The following RIMS2 variants were observed in gnomAD, a reference collection of about 807,000 sequenced individuals.
RIMS2 encodes regulating synaptic membrane exocytosis 2.
In RIMS2, 59 loss-of-function variants were observed where a neutral mutation model predicts 174.4. The ratio of observed to expected loss-of-function variants is 0.34; its 90% CI spans 0.27 to 0.42. The LOEUF is 0.42. RIMS2 is among the 10% of genes least tolerant of loss of function. RIMS2 has a pLI of 1.00. For missense variants in RIMS2, 1,620 were observed against 1,666.3 expected, an observed-to-expected ratio of 0.97 and a Z score of 0.48; for synonymous variants, 606 against 572.5, an observed-to-expected ratio of 1.06 and a Z score of -0.84.
chr8:103,835,430 C>T (rs1185497782), intron 3 of RIMS2, among the ~76,000 whole-genome samples: 1 of 150,850 alleles, frequency 6.6e-6, no homozygotes, highest in Non-Finnish European at 1.5e-5. Flanking sequence ...TATATTTAGC[C>T]TTCAGGCATT....
chr8:103,927,362 T>C (rs2078971079), intron 10 of RIMS2, among the ~76,000 whole-genome samples: 1 of 151,502 alleles, frequency 6.6e-6, no homozygotes, highest in Non-Finnish European at 1.5e-5. Context: ...TTTTGGACTT[T>C]GGGTAGACAT....
intron 1 of RIMS2, among the ~76,000 whole-genome samples, chr8:103,659,538 A>G (rs2096571482): frequency 6.6e-6 from 1 of 152,164 alleles, no homozygotes; most frequent in African/African-American, 2.4e-5. Flanking sequence ...CCCGGAGGAC[A>G]GCAGTTCTTT....
intron 1 of RIMS2, among the ~76,000 whole-genome samples, chr8:103,549,460 C>T (rs1282717584): frequency 6.6e-6 from 1 of 152,154 alleles, no homozygotes; most frequent in Non-Finnish European, 1.5e-5. Context: ...TACAAGAGCT[C>T]CTGAAGGAAG....
intron 6 of RIMS2, among the ~76,000 whole-genome samples, chr8:103,912,442 T>C (rs1316213232): frequency 2.0e-5 from 3 of 152,120 alleles, no homozygotes; most frequent in Admixed American, 1.3e-4. Context: ...TTAAATACAG[T>C]GGTCGAATGT....
intron 1 of RIMS2, among the ~76,000 whole-genome samples, chr8:103,507,404 T>A: frequency 6.6e-6 from 1 of 152,134 alleles, no homozygotes; most frequent in Non-Finnish European, 1.5e-5. Flanking sequence ...TGTTCACTAA[T>A]GCAGCTTCAA....
At chr8:103,547,020 G>C (rs779988729) in intron 1 of RIMS2, among the ~76,000 whole-genome samples, 1 of 152,098 alleles carries the variant, frequency 6.6e-6, no homozygotes, top group African/African-American at 2.4e-5. Context: ...CCTTAGGCTT[G>C]AAGTAAACTC....
At position 103,560,619 on chromosome 8, in the gene RIMS2, A is replaced by G. The variant is rs1290932296; in HGVS notation, c.176+59557A>G. On this transcript the variant is annotated intron_variant, in intron 1 of 23. Transcript: ENST00000504942. ...GAAAGGTAGCTCATATAATAATTCA[A>G]GTGTTTTACATATAAAGTAATTGGG... Among the ~76,000 whole-genome samples the G allele has an allele frequency of 2.0e-5, 3 of 152,184 alleles. No homozygotes were observed. In the East Asian group the frequency reaches 5.8e-4, roughly 29 times the overall value.
intron 19 of RIMS2, among the ~76,000 whole-genome samples, chr8:104,116,833 A>G (rs2098285128): frequency 1.3e-5 from 2 of 152,162 alleles, no homozygotes; most frequent in South Asian, 4.1e-4. Flanking sequence ...TATAAATGGT[A>G]ATTATAATTA....
At chr8:104,226,328 A>T (rs2099187879) in intron 19 of RIMS2, among the ~76,000 whole-genome samples, 1 of 152,212 alleles carries the variant, frequency 6.6e-6, no homozygotes, top group Admixed American at 6.5e-5. Flanking sequence ...CAATAGCTAA[A>T]GAATTTCAAG....
At chr8:103,597,620 G>T (rs1485106855) in intron 1 of RIMS2, among the ~76,000 whole-genome samples, 2 of 151,950 alleles carry the variant, frequency 1.3e-5, no homozygotes, top group Non-Finnish European at 2.9e-5. Context: ...CCTCTCCTTT[G>T]AACTCTTTTA....
intron 3 of RIMS2, among the ~76,000 whole-genome samples, chr8:103,786,510 G>C (rs1199465060): frequency 2.0e-5 from 3 of 152,112 alleles, no homozygotes; most frequent in Admixed American, 2.0e-4. Flanking sequence ...CTTTATTTCT[G>C]CCTTCACTTC....
At chr8:103,804,928 C>T (rs1281798593) in intron 3 of RIMS2, among the ~76,000 whole-genome samples, 1 of 151,996 alleles carries the variant, frequency 6.6e-6, no homozygotes, top group Non-Finnish European at 1.5e-5. Context: ...TCCTAAGTAG[C>T]TAGGACTATA....
intron 3 of RIMS2, among the ~76,000 whole-genome samples, chr8:103,855,391 A>C (rs951881419): frequency 2.0e-5 from 3 of 151,902 alleles, no homozygotes; most frequent in African/African-American, 7.2e-5. Flanking sequence ...TTCTTCTGCT[A>C]GCTTTGGGAT....
chr8:103,932,652 A>AT (rs2080234955), intron 12 of RIMS2, among the ~76,000 whole-genome samples: 1 of 152,224 alleles, frequency 6.6e-6, no homozygotes, highest in African/African-American at 2.4e-5. Context: ...AGAGAAACAT[A>AT]TTTTTAAGAC....
intron 1 of RIMS2, among the ~76,000 whole-genome samples, chr8:103,578,145 G>A (rs2093372990): frequency 6.6e-6 from 1 of 152,144 alleles, no homozygotes; most frequent in Non-Finnish European, 1.5e-5. Context: ...AAACAGATTA[G>A]ACCCAAATAA....
At chr8:103,607,656 G>A (rs1474596465) in intron 1 of RIMS2, among the ~76,000 whole-genome samples, 2 of 139,766 alleles carry the variant, frequency 1.4e-5, no homozygotes, top group African/African-American at 5.5e-5. Context: ...CGTAGATTTG[G>A]TCTTTTCACA....
At chr8:103,501,120 T>A in intron 1 of RIMS2, 58 bp downstream of exon 1, 2 of 1,330,704 alleles carry the variant, frequency 1.5e-6, no homozygotes, top group Non-Finnish European at 2.0e-6. Context: ...CCTCGCCCAC[T>A]GCCCTGCGGC....
chr8:103,630,279 C>T (rs1168111421), intron 1 of RIMS2, among the ~76,000 whole-genome samples: 1 of 149,938 alleles, frequency 6.7e-6, no homozygotes, highest in African/African-American at 2.5e-5. Context: ...CCCATAAAGA[C>T]TGGAAGTAAA....
intron 1 of RIMS2, among the ~76,000 whole-genome samples, chr8:103,606,411 T>C (rs2095083740): frequency 6.6e-6 from 1 of 152,006 alleles, no homozygotes; most frequent in Non-Finnish European, 1.5e-5. Flanking sequence ...GAGGAGAGCT[T>C]TACTTCCAAG....
Sources: gnomAD v4.1 joint callset for allele counts (sites outside exome capture counted in the v4.1 genomes callset) on GRCh38, gnomAD v4.1.1 for gene constraint, MANE v1.5 for transcripts, NCBI Gene and HGNC (gene_info 2026-07-23, HGNC 2026-07-21) for gene names.